The following LSM14A variants were observed in gnomAD, a reference collection of about 807,000 sequenced individuals.
The protein encoded by LSM14A is LSM14A mRNA processing body assembly factor, also known as protein LSM14 homolog A.
In LSM14A, 14 loss-of-function variants were observed where a neutral mutation model predicts 52.4. The observed-to-expected ratio is 0.27, with a 90% CI of 0.18 to 0.42. The LOEUF (loss-of-function observed/expected upper bound fraction) is 0.42. Ranked by LOEUF, LSM14A falls within the 10% of genes least tolerant of loss-of-function variation. The probability of loss-of-function intolerance (pLI) is 1.00; values close to 1 mark genes in which losing one functional copy is unlikely to be tolerated. For missense variants in LSM14A, 417 were observed against 581.8 expected (o/e 0.72, Z 2.91); for synonymous variants, 185 against 200.3 (o/e 0.92, Z 0.64).
At chr19:34,196,041 C>T (rs920067022) in intron 2 of LSM14A, among the ~76,000 whole-genome samples, 22 of 152,006 alleles carry the variant, frequency 1.4e-4, no homozygotes, top group Non-Finnish European at 2.8e-4. Flanking sequence ...TATTATGAAA[C>T]AGTTTATAGT....
intron 1 of LSM14A, among the ~76,000 whole-genome samples, chr19:34,190,935 T>G (rs2070329856): frequency 6.6e-6 from 1 of 152,138 alleles, no homozygotes. Context: ...TGATGAAATT[T>G]AGGCCTTCAT....
chr19:34,203,580 A>G (rs2071457142), intron 3 of LSM14A, among the ~76,000 whole-genome samples: 1 of 152,090 alleles, frequency 6.6e-6, no homozygotes. Flanking sequence ...CGAGTGAATC[A>G]TTTGAGGTCA....
At chr19:34,226,901 T>G (rs1301433359) in intron 9 of LSM14A, among the ~76,000 whole-genome samples, 1 of 152,226 alleles carries the variant, frequency 6.6e-6, no homozygotes, top group Non-Finnish European at 1.5e-5. Context: ...AAACCATTGC[T>G]TCCTCCTGGC....
intron 1 of LSM14A, among the ~76,000 whole-genome samples, chr19:34,185,389 A>G (rs1309951792): frequency 6.6e-6 from 1 of 152,142 alleles, no homozygotes; most frequent in East Asian, 1.9e-4. Context: ...TGAGGGACAG[A>G]TGTTTTCATT....
chr19:34,179,125 T>A (rs2069290203), intron 1 of LSM14A, among the ~76,000 whole-genome samples: 1 of 152,228 alleles, frequency 6.6e-6, no homozygotes, highest in Non-Finnish European at 1.5e-5. Context: ...GCTACTGCAC[T>A]GGGAAAAGAG....
intron 3 of LSM14A, among the ~76,000 whole-genome samples, chr19:34,207,520 T>C (rs2071792060): frequency 6.6e-6 from 1 of 151,676 alleles, no homozygotes; most frequent in African/African-American, 2.4e-5. Flanking sequence ...CTGTGCTGCT[T>C]TCTGAAGCCA....
intron 3 of LSM14A, chr19:34,208,679 T>A (rs2071891520): frequency 3.1e-6 from 1 of 323,598 alleles, no homozygotes; most frequent in Non-Finnish European, 5.7e-6. Context: ...CAGCACTCCA[T>A]GTGTTATAAA....
intron 3 of LSM14A, among the ~76,000 whole-genome samples, chr19:34,205,487 CAAAAAAAAAAAAAAA>C (rs140536208): frequency 1.7e-4 from 16 of 95,230 alleles, no homozygotes; most frequent in South Asian, 8.2e-4. Flanking sequence ...CTCCATCTCA[CAAAAAAAAAAAAAAA>C]AAAAAAAAAA....
intron 4 of LSM14A, among the ~76,000 whole-genome samples, chr19:34,210,345 C>G (rs1202312039): frequency 6.6e-6 from 1 of 151,940 alleles, no homozygotes; most frequent in Non-Finnish European, 1.5e-5. Flanking sequence ...TCTCGGCTCA[C>G]TGCAACCTCC....
intron 1 of LSM14A, among the ~76,000 whole-genome samples, 155 bp from the exon 2 acceptor site, chr19:34,194,323 T>C (rs2070690414): frequency 6.6e-6 from 1 of 152,196 alleles, no homozygotes. Context: ...TCTATTTTCC[T>C]CTTTAAAAAA....
At chr19:34,193,732 A>G (rs952613718) in intron 1 of LSM14A, among the ~76,000 whole-genome samples, 3 of 152,156 alleles carry the variant, frequency 2.0e-5, no homozygotes, top group Non-Finnish European at 4.4e-5. Flanking sequence ...AAATGTTATT[A>G]ATACCTTCAT....
At chr19:34,194,664 T>G (rs1442954995) in intron 2 of LSM14A, 23 bp downstream of exon 2, 1 of 1,613,090 alleles carries the variant, frequency 6.2e-7, no homozygotes, top group South Asian at 1.1e-5. Flanking sequence ...AAATTTGTCT[T>G]GGAGTACAGG....
At chr19:34,205,400 C>T (rs1291075682) in intron 3 of LSM14A, among the ~76,000 whole-genome samples, 2 of 144,588 alleles carry the variant, frequency 1.4e-5, no homozygotes, top group African/African-American at 2.6e-5. Flanking sequence ...GCAGGAGAAA[C>T]GCTTGAACCC....
At chr19:34,193,830 G>A (rs1394027730) in intron 1 of LSM14A, among the ~76,000 whole-genome samples, 1 of 152,146 alleles carries the variant, frequency 6.6e-6, no homozygotes, top group Non-Finnish European at 1.5e-5. Flanking sequence ...CCCCAAGAAA[G>A]ACATGGGTTG....
intron 5 of LSM14A, 125 bp from the exon 6 acceptor site, chr19:34,215,471 G>GT: frequency 1.8e-6 from 2 of 1,096,642 alleles, no homozygotes; most frequent in Non-Finnish European, 1.3e-6. Context: ...TGTGGGTATA[G>GT]TTTTTTGGGC....
Position 34,221,677 on chromosome 19 carries a change from G to C in LSM14A, c.1307G>C (p.Gly436Ala). ...GRGGTFTAPR[G>A]FRGGFRGGRG... Reference sequence around the variant, plus strand: ...GGTGGTACCTTCACTGCCCCTCGAGGATTTCGCGGTGGATTCAGAGGAGGT... The same window carrying C: ...GGTGGTACCTTCACTGCCCCTCGAGCATTTCGCGGTGGATTCAGAGGAGGT... The change falls in exon 9 of 10, where the codon GGA becomes GCA. Residue 436 changes from glycine (G) to alanine (A), a missense_variant. By Grantham distance (60) the Gly-to-Ala change is moderately conservative. Transcript: ENST00000544216. 3 of 1,614,174 alleles carry C rather than the reference G, an allele frequency of 1.9e-6. No homozygotes were observed. Among genetic ancestry groups the C allele is most frequent in the Non-Finnish European group, 2.5e-6 (3 of 1,180,026 alleles).
At chr19:34,219,204 A>G (rs977736210) in intron 6 of LSM14A, among the ~76,000 whole-genome samples, 187 bp from the exon 7 acceptor site, 2 of 152,212 alleles carry the variant, frequency 1.3e-5, no homozygotes, top group Non-Finnish European at 2.9e-5. Context: ...CTCAGTCTAC[A>G]TATTAAATAT....
intron 5 of LSM14A, 82 bp from the exon 6 acceptor site, chr19:34,215,514 T>G (rs190065859): frequency 2.7e-5 from 35 of 1,285,768 alleles, no homozygotes; most frequent in African/African-American, 2.1e-4. Flanking sequence ...TTTTTTGGTT[T>G]GTTTGTTTGC....
chr19:34,196,666 G>A lies in LSM14A; in HGVS notation c.318G>A (p.Gln106=). Residue 106 remains glutamine, a synonymous_variant, in exon 3 of 10, where the codon CAG becomes CAA. Coordinates refer to ENST00000544216, the MANE Select transcript of LSM14A (RefSeq NM_015578.4). ...SSLGSSTSSF[Q]SMGSYGPFGR... ...TAGGCTCATCGACTTCTTCATTCCAGTCCATGGGTTCTTATGGACCTTTCG... is the reference window on the plus strand; with the variant it reads ...TAGGCTCATCGACTTCTTCATTCCAATCCATGGGTTCTTATGGACCTTTCG... The A allele has an allele frequency of 6.2e-7, 1 of 1,612,798 alleles. No individual in the cohort carries two copies. Among genetic ancestry groups the A allele is most frequent in the Non-Finnish European group, 8.5e-7 (1 of 1,179,596 alleles).
Sources: gnomAD v4.1 joint callset for allele counts (sites outside exome capture counted in the v4.1 genomes callset) on GRCh38, gnomAD v4.1.1 for gene constraint, MANE v1.5 for transcripts, NCBI Gene and HGNC (gene_info 2026-07-23, HGNC 2026-07-21) for gene names.